Variants in PMS1 observed in about 807,000 individuals in gnomAD.
The protein encoded by PMS1 is PMS1 homolog 1, mismatch repair system component, also known as PMS1 protein homolog 1.
A neutral mutation model predicts 93.1 loss-of-function variants in PMS1; 79 were observed. That is an observed-to-expected ratio of 0.85 (90% CI 0.71 to 1.02). The LOEUF (loss-of-function observed/expected upper bound fraction) is 1.02. Among genes scored for constraint, PMS1 ranks in the 50% least tolerant of loss-of-function variants. The pLI, the probability that PMS1 is intolerant of heterozygous loss-of-function variation, is 0.00. For synonymous variants in PMS1, 335 were observed against 363.4 expected (o/e 0.92, Z 0.89); for missense variants, 1,064 against 1,085.3 (o/e 0.98, Z 0.28).
rs1490251887 is a variant in PMS1 at position 189,785,040 on chromosome 2, A to C, written c.-21+447A>C. Among the ~76,000 whole-genome samples the C allele has an allele frequency of 2.0e-5, 3 of 152,222 alleles. No individual in the cohort carries two copies. The East Asian group carries it at 5.8e-4, about 29-fold the overall frequency. On this transcript the variant is annotated intron_variant, in intron 1 of 12. Coordinates refer to ENST00000441310, the MANE Select transcript of PMS1 (RefSeq NM_000534.5). ...AGACAGGCACCTGTATTACATGCTA[A>C]GGAAATGTGAATACCAAAAATTGAT... is the stretch of plus-strand genomic sequence containing the variant.
Position 189,822,890 on chromosome 2 carries a change from C to A in PMS1, c.582+4710C>A, listed in dbSNP as rs3791774. ...TCAAAGGAGCTAATGCTACAAGGCT[C>A]CACTCTTCCTAGAGTTAAAATATTT... On this transcript the variant is annotated intron_variant, in intron 5 of 12. Transcript: ENST00000441310. Among the ~76,000 whole-genome samples the A allele has an allele frequency of 2.0e-4, 30 of 152,262 alleles. No individual in the cohort carries two copies. In the East Asian group the frequency reaches 5.8e-3, roughly 29 times the overall value.
intron 1 of PMS1, among the ~76,000 whole-genome samples, chr2:189,785,953 T>C (rs1338615157): frequency 3.9e-5 from 6 of 151,918 alleles, no homozygotes; most frequent in Middle Eastern, 3.2e-3. Flanking sequence ...GGTGAAACCC[T>C]GTCTCTACTA....
At chr2:189,843,719 T>A (rs1286094216) in intron 5 of PMS1, among the ~76,000 whole-genome samples, 2 of 152,186 alleles carry the variant, frequency 1.3e-5, no homozygotes, top group Non-Finnish European at 2.9e-5. Flanking sequence ...CTCTGAGAAA[T>A]CTTGTAAAGA....
At chr2:189,797,462 G>A (rs532305288) in intron 3 of PMS1, among the ~76,000 whole-genome samples, 2 of 152,244 alleles carry the variant, frequency 1.3e-5, no homozygotes, top group South Asian at 2.1e-4. Flanking sequence ...GTTTGATCAC[G>A]TGACTCTGTA....
At chr2:189,865,073 A>G (rs1054938697) in intron 10 of PMS1, among the ~76,000 whole-genome samples, 1 of 151,872 alleles carries the variant, frequency 6.6e-6, no homozygotes, top group Non-Finnish European at 1.5e-5. Context: ...ATATCTTTCA[A>G]TATCTCTCTC....
At chr2:189,874,140 A>G (rs2057373380) in intron 12 of PMS1, among the ~76,000 whole-genome samples, 1 of 152,162 alleles carries the variant, frequency 6.6e-6, no homozygotes, top group Non-Finnish European at 1.5e-5. Context: ...TTCACATCAT[A>G]GACTGACTGT....
At chr2:189,787,716 A>G (rs1392046738) in intron 1 of PMS1, among the ~76,000 whole-genome samples, 1 of 152,184 alleles carries the variant, frequency 6.6e-6, no homozygotes, top group Non-Finnish European at 1.5e-5. Flanking sequence ...GCAGGCTCTG[A>G]AATCACGCTA....
chr2:189,842,250 G>T (rs926086946), intron 5 of PMS1, among the ~76,000 whole-genome samples: 1 of 151,884 alleles, frequency 6.6e-6, no homozygotes, highest in Non-Finnish European at 1.5e-5. Context: ...TCCTTATTCT[G>T]TGTACCACAC....
chr2:189,788,003 C>A (rs572120997), intron 1 of PMS1, among the ~76,000 whole-genome samples: 3 of 151,772 alleles, frequency 2.0e-5, no homozygotes, highest in African/African-American at 7.3e-5. Flanking sequence ...CTATGAATTG[C>A]CATGATCTTA....
Position 189,867,814 on chromosome 2 carries a change from T to A in PMS1, c.2358T>A (p.Ser786=). 6.3e-7 allele frequency: 1 copy of A among 1,574,866 alleles called. No individual in the cohort carries two copies. The highest frequency in any genetic ancestry group is 1.1e-5 in the South Asian group (1 of 90,258). ...TCTTTTTCAGTCTTTTTAATGGATC[T>A]CATTATTTAGACGTTTTATATAAAA... ...IMLTESLFNG[S]HYLDVLYKMT... The change falls in exon 11 of 13, where the codon TCT becomes TCA. Residue 786 remains serine (S), a synonymous_variant. Coordinates refer to ENST00000441310, the MANE Select transcript of PMS1 (RefSeq NM_000534.5).
chr2:189,851,415 A>G (rs976035034), intron 6 of PMS1, among the ~76,000 whole-genome samples: 2 of 152,192 alleles, frequency 1.3e-5, no homozygotes, highest in Non-Finnish European at 2.9e-5. Flanking sequence ...GTTACCTGGT[A>G]AATTATACAA....
rs894577430 is a variant in PMS1, at chr2:189,814,157, C to T, written c.419-3860C>T. ...ACTTTCCTAAGCCAAAGAATAGTAG[C>T]GCCAAAGAATAGTAGCACCAAAGTG... is the stretch of plus-strand genomic sequence containing the variant. On this transcript the variant is annotated intron_variant, in intron 4 of 12. Coordinates refer to ENST00000441310, the MANE Select transcript of PMS1 (RefSeq NM_000534.5). Among the ~76,000 whole-genome samples the T allele has an allele frequency of 6.8e-5, 9 of 132,708 alleles. No individual in the cohort carries two copies. In the South Asian group the frequency reaches 1.2e-3, roughly 17 times the overall value. The allele number at this position is 132,708 out of a possible 152,430, so 87.1% of individuals were successfully genotyped here.
At chr2:189,876,000 C>T (rs917095398) in intron 12 of PMS1, among the ~76,000 whole-genome samples, 4 of 145,844 alleles carry the variant, frequency 2.7e-5, no homozygotes, top group East Asian at 2.0e-4. Flanking sequence ...AAATGTTCCC[C>T]AAAAGGCAAG....
chr2:189,789,931 G>T (rs910345590), intron 1 of PMS1, among the ~76,000 whole-genome samples: 8 of 152,172 alleles, frequency 5.3e-5, no homozygotes, highest in Middle Eastern at 3.4e-3. Flanking sequence ...CCCCCTCCCT[G>T]CATGCTTTAC....
chr2:189,867,124 T>A (rs746791471), intron 10 of PMS1, among the ~76,000 whole-genome samples: 5 of 152,174 alleles, frequency 3.3e-5, no homozygotes, highest in Non-Finnish European at 5.9e-5. Context: ...ACTCAAATAT[T>A]CATTGAAGGA....
chr2:189,834,938 C>T lies in PMS1; in HGVS notation c.583-9026C>T, dbSNP rs2053258794. Among the ~76,000 whole-genome samples the T allele has an allele frequency of 3.9e-5, 6 of 152,244 alleles. No individual in the cohort carries two copies. The South Asian group carries it at 1.2e-3, about 32-fold the overall frequency. On this transcript the variant is annotated intron_variant, in intron 5 of 12. Coordinates refer to ENST00000441310, the MANE Select transcript of PMS1 (RefSeq NM_000534.5). Reference sequence around the variant, plus strand: ...AGAGACAGGGTCTCACTGTGTTGCCCAGGCTGGTCTTGAACTCCTGCCTCA... The same window carrying T: ...AGAGACAGGGTCTCACTGTGTTGCCTAGGCTGGTCTTGAACTCCTGCCTCA...
intron 3 of PMS1, among the ~76,000 whole-genome samples, chr2:189,799,466 T>C (rs1047736584): frequency 6.6e-6 from 1 of 152,222 alleles, no homozygotes; most frequent in African/African-American, 2.4e-5. Flanking sequence ...TTCTCAAAGG[T>C]AACTGCTATT....
chr2:189,850,702 G>T (rs2054616123), intron 6 of PMS1, among the ~76,000 whole-genome samples: 2 of 152,128 alleles, frequency 1.3e-5, no homozygotes, highest in South Asian at 4.1e-4. Flanking sequence ...TGAAGAGGAG[G>T]CATTAGAGAG....
chr2:189,805,640 T>G lies in PMS1; in HGVS notation c.316-12T>G. On this transcript the variant is annotated splice_polypyrimidine_tract_variant and intron_variant, in intron 3 of 12. Coordinates refer to ENST00000441310, the MANE Select transcript of PMS1 (RefSeq NM_000534.5). ...TAAAGTGTTAGTTTTATTAGATGTTTTTTTCCCCCAGGTTTTAATTACAAC... is the reference window on the plus strand; with the variant it reads ...TAAAGTGTTAGTTTTATTAGATGTTGTTTTCCCCCAGGTTTTAATTACAAC... 1 of 1,607,560 alleles carries G rather than the reference T, an allele frequency of 6.2e-7. No individual in the cohort carries two copies. Among genetic ancestry groups the G allele is most frequent in the Non-Finnish European group, 8.5e-7 (1 of 1,174,224 alleles).
Sources: gnomAD v4.1 joint callset for allele counts (sites outside exome capture counted in the v4.1 genomes callset) on GRCh38, gnomAD v4.1.1 for gene constraint, MANE v1.5 for transcripts, NCBI Gene and HGNC (gene_info 2026-07-23, HGNC 2026-07-21) for gene names.